CWC27: variants seen among roughly 807,000 people sequenced by gnomAD.
The protein encoded by CWC27 is spliceosome-associated protein CWC27 homolog.
Under a neutral mutation model 63.6 loss-of-function variants are expected in CWC27, and 47 were observed. The observed-to-expected ratio is 0.74, with a 90% CI of 0.58 to 0.94. CWC27 has a LOEUF of 0.94. CWC27 is among the 40% of genes least tolerant of loss of function. The pLI, the probability that CWC27 is intolerant of heterozygous loss-of-function variation, is 0.00. For missense variants in CWC27, 495 were observed against 554.3 expected (o/e 0.89, Z 1.07); for synonymous variants, 175 against 179.8 (o/e 0.97, Z 0.22).
chr5:64,780,656 A>G (rs1337859912), intron 2 of CWC27, among the ~76,000 whole-genome samples: 1 of 143,360 alleles, frequency 7.0e-6, no homozygotes, highest in East Asian at 2.0e-4. Flanking sequence ...ATATATTAAT[A>G]TATAAACATA....
intron 11 of CWC27, among the ~76,000 whole-genome samples, chr5:64,935,264 T>A (rs553271348): frequency 6.6e-6 from 1 of 152,356 alleles, no homozygotes; most frequent in Non-Finnish European, 1.5e-5. Context: ...TAATCCATCT[T>A]GAGTTAATTC....
At chr5:64,779,879 C>G (rs1230737247) in intron 2 of CWC27, among the ~76,000 whole-genome samples, 1 of 152,144 alleles carries the variant, frequency 6.6e-6, no homozygotes, top group Non-Finnish European at 1.5e-5. Flanking sequence ...TGGCATTTCC[C>G]CTGCTTGCGC....
chr5:64,982,881 G>A (rs1021499600), intron 13 of CWC27, among the ~76,000 whole-genome samples: 5 of 152,172 alleles, frequency 3.3e-5, no homozygotes, highest in African/African-American at 1.2e-4. Context: ...GCAGGCAAGC[G>A]AGCTTTACTG....
At chr5:64,959,517 G>T (rs1454708600) in intron 11 of CWC27, among the ~76,000 whole-genome samples, 1 of 152,150 alleles carries the variant, frequency 6.6e-6, no homozygotes, top group Non-Finnish European at 1.5e-5. Flanking sequence ...AAACCACAAT[G>T]AATGGCTGCA....
At chr5:64,991,217 C>G (rs1474065498) in intron 13 of CWC27, among the ~76,000 whole-genome samples, 1 of 152,138 alleles carries the variant, frequency 6.6e-6, no homozygotes, top group Admixed American at 6.5e-5. Flanking sequence ...GGATTGTTAT[C>G]CTTTTGTTAC....
intron 10 of CWC27, among the ~76,000 whole-genome samples, chr5:64,811,035 T>C (rs1198479518): frequency 6.6e-6 from 1 of 152,098 alleles, no homozygotes. Context: ...TCAACCTTGT[T>C]TGTACATTTG....
chr5:64,785,079 T>C (rs892980041), intron 4 of CWC27, among the ~76,000 whole-genome samples: 1 of 152,226 alleles, frequency 6.6e-6, no homozygotes, highest in Non-Finnish European at 1.5e-5. Flanking sequence ...TTCCTACTTT[T>C]AGGTTGTTTG....
chr5:64,776,068 CGAGAGAGAGAGAGAGAGAGAGAGAGAGA>C (rs70983650), intron 2 of CWC27, among the ~76,000 whole-genome samples: 29 of 108,640 alleles, frequency 2.7e-4, no homozygotes, highest in African/African-American at 8.6e-4. Flanking sequence ...AGGAGTGGAG[CGAGAGAGAGAGAGAGAGAGAGAGAGAGA>C]GAGAGAGAGA....
At chr5:64,859,513 A>C (rs1746346659) in intron 10 of CWC27, among the ~76,000 whole-genome samples, 1 of 152,224 alleles carries the variant, frequency 6.6e-6, no homozygotes, top group African/African-American at 2.4e-5. Flanking sequence ...AAGAAGAAAC[A>C]CTTCTAAATT....
At chr5:64,983,203 T>A (rs985303467) in intron 13 of CWC27, among the ~76,000 whole-genome samples, 1 of 152,176 alleles carries the variant, frequency 6.6e-6, no homozygotes, top group Non-Finnish European at 1.5e-5. Context: ...TAATAATATG[T>A]TATAAACAAC....
chr5:64,858,586 A>G (rs898116488), intron 10 of CWC27, among the ~76,000 whole-genome samples: 4 of 152,102 alleles, frequency 2.6e-5, no homozygotes, highest in Non-Finnish European at 5.9e-5. Context: ...AAATAAGACA[A>G]TGTTTTAAGT....
At position 64,785,241 on chromosome 5, in the gene CWC27, T is replaced by C. The variant is rs1163420857; in HGVS notation, c.397-240T>C. On this transcript the variant is annotated intron_variant, in intron 4 of 13. Transcript: ENST00000381070. ...AGATTATTTGGCATTATATTATTAA[T>C]AAAAACTTACATTAAATATATATTG... 2.0e-5 allele frequency among the ~76,000 whole-genome samples: 3 copies of C among 152,174 alleles called. No individual in the cohort carries two copies. In the East Asian group the frequency reaches 5.8e-4, roughly 29 times the overall value.
intron 2 of CWC27, among the ~76,000 whole-genome samples, chr5:64,778,273 C>G (rs1743530324): frequency 6.6e-6 from 1 of 152,046 alleles, no homozygotes; most frequent in South Asian, 2.1e-4. Context: ...CTCACTGGCT[C>G]TCTGTCGCAT....
At position 65,018,429 on chromosome 5, in the gene CWC27, G is replaced by C; in HGVS notation, c.*108G>C. The C allele has an allele frequency of 1.1e-6, 1 of 945,916 alleles. No homozygotes were observed. The highest frequency in any genetic ancestry group is 1.5e-6 in the Non-Finnish European group (1 of 668,052). The allele number at this position is 945,916 out of a possible 1,614,324, so 58.6% of individuals were successfully genotyped here. ...TAGGGGTGTGAAAAGAAGTATTTTT[G>C]AACCTGTTGTCTGGTTTTGAAAAAC... is the stretch of plus-strand genomic sequence containing the variant. On this transcript the variant is annotated 3_prime_UTR_variant, in exon 14 of 14. Coordinates refer to ENST00000381070, the MANE Select transcript of CWC27 (RefSeq NM_005869.4).
At chr5:64,931,992 A>G (rs1222674202) in intron 11 of CWC27, among the ~76,000 whole-genome samples, 1 of 152,086 alleles carries the variant, frequency 6.6e-6, no homozygotes, top group African/African-American at 2.4e-5. Context: ...TGTGTACACA[A>G]ACAAGAGTTT....
At chr5:64,789,603 G>A (rs78082768) in intron 7 of CWC27, among the ~76,000 whole-genome samples, 1,989 of 152,136 alleles carry the variant, frequency 0.013, 45 homozygotes, top group African/African-American at 0.045. Flanking sequence ...GTGCCTCCTG[G>A]CCTTTTTATT....
intron 11 of CWC27, among the ~76,000 whole-genome samples, chr5:64,896,583 A>G (rs1747381889): frequency 1.3e-5 from 2 of 152,074 alleles, no homozygotes; most frequent in African/African-American, 4.8e-5. Flanking sequence ...TTTTTAAGAC[A>G]TTAATTATAC....
At chr5:64,867,545 A>AG (rs1746559294) in intron 10 of CWC27, among the ~76,000 whole-genome samples, 1 of 152,104 alleles carries the variant, frequency 6.6e-6, no homozygotes, top group Admixed American at 6.6e-5. Flanking sequence ...GTAAGACTGC[A>AG]GTGAGTCTAA....
chr5:64,885,500 A>G lies in CWC27; in HGVS notation c.996A>G (p.Gln332=). 1 of 1,609,148 alleles carries G rather than the reference A, an allele frequency of 6.2e-7. No individual in the cohort carries two copies. Among genetic ancestry groups the G allele is most frequent in the East Asian group, 2.2e-5 (1 of 44,806 alleles). ...AACGGGAACTCTTAGCAGCAAAACA[A>G]AAAAAAGTAGAAAATGCAGCAAAAC... is the stretch of plus-strand genomic sequence containing the variant. The part of the protein sequence containing the change: ...QLKRELLAAK[Q]KKVENAAKQA... Residue 332 remains glutamine, a synonymous_variant, in exon 11 of 14, where the codon CAA becomes CAG. Transcript: ENST00000381070.
Sources: allele counts gnomAD v4.1 joint callset (sites outside exome capture counted in the v4.1 genomes callset), GRCh38; gene constraint gnomAD v4.1.1; transcripts MANE v1.5; gene names NCBI Gene and HGNC (gene_info 2026-07-23, HGNC 2026-07-21).